TRPM1: variants seen among roughly 807,000 people sequenced by gnomAD.
TRPM1 encodes the protein transient receptor potential cation channel subfamily M member 1.
TRPM1 carries 113 observed loss-of-function variants against 149.4 expected under a neutral mutation model. The observed-to-expected ratio is 0.76, with a 90% CI of 0.65 to 0.88. The LOEUF is 0.88. Among genes scored for constraint, TRPM1 ranks in the 40% least tolerant of loss-of-function variants. The pLI is 0.00. For missense variants in TRPM1, 1,976 were observed against 2,038.7 expected (o/e 0.97, Z 0.59); for synonymous variants, 741 against 759.5 (o/e 0.98, Z 0.40).
rs2033870424 is a variant in TRPM1 at position 31,049,308 on chromosome 15, A to G, written c.1572+67T>C. 3 of 1,609,642 alleles carry G rather than the reference A, an allele frequency of 1.9e-6. No individual in the cohort carries two copies. The Admixed American group carries it at 5.0e-5, about 27-fold the overall frequency. ...TCAGATGAGCACATTTATGCACAAT[A>G]TGCACCAGTGACAAACACATTTAGG... On this transcript the variant is annotated intron_variant, in intron 13 of 27. Transcript: ENST00000256552.
intron 3 of TRPM1, among the ~76,000 whole-genome samples, chr15:31,070,874 C>T (rs1462727074): frequency 6.6e-6 from 1 of 152,156 alleles, no homozygotes; most frequent in African/African-American, 2.4e-5. Context: ...TTGAATTGTT[C>T]TGTTCCTTAG....
Position 31,002,514 on chromosome 15 carries a change from C to A in TRPM1, c.4186G>T (p.Glu1396Ter), listed in dbSNP as rs769373152. 20 of 1,613,942 alleles carry A rather than the reference C, an allele frequency of 1.2e-5. No individual in the cohort carries two copies. The highest frequency in any genetic ancestry group is 8.3e-5 in the Admixed American group (5 of 59,990). Reference protein sequence around the residue: ...DDERQTDSKKEETISPSLNKT... With the variant: ...DDERQTDSKK ...TTTAAACTTGGGGAAATAGTTTCTT[C>A]TTTTTTAGAGTCTGTCTGTCTTTCA... The change falls in exon 28 of 28, where the codon GAA (glutamate) becomes TAA (stop). Residue 1396 changes from glutamate (E) to a stop codon, truncating the protein, a stop_gained. Coordinates refer to ENST00000256552, the MANE Select transcript of TRPM1 (RefSeq NM_001252024.2). LOFTEE classifies it low-confidence loss of function (END_TRUNC).
chr15:31,061,587 G>T, intron 9 of TRPM1, 73 bp from the exon 10 acceptor site: 1 of 1,217,476 alleles, frequency 8.2e-7, no homozygotes, highest in South Asian at 1.2e-5. Flanking sequence ...GTTACAAAAT[G>T]ACCACAGAGA....
At chr15:31,043,560 T>G (rs1359036937) in intron 16 of TRPM1, among the ~76,000 whole-genome samples, 4 of 152,218 alleles carry the variant, frequency 2.6e-5, no homozygotes, top group South Asian at 2.1e-4. Context: ...TATAGTATCT[T>G]GACTCCAATT....
intron 1 of TRPM1, among the ~76,000 whole-genome samples, chr15:31,159,167 G>A (rs940712643): frequency 6.6e-6 from 1 of 152,082 alleles, no homozygotes; most frequent in Non-Finnish European, 1.5e-5. Context: ...GTGCGTGTGC[G>A]GGTATAAAGG....
intron 1 of TRPM1, among the ~76,000 whole-genome samples, chr15:31,108,061 T>G (rs1052979282): frequency 9.2e-5 from 14 of 152,156 alleles, no homozygotes; most frequent in Non-Finnish European, 1.9e-4. Context: ...TTTCACCATA[T>G]TGGCCAGGCT....
intron 22 of TRPM1, 95 bp from the exon 23 acceptor site, chr15:31,031,252 G>A (rs905348030): frequency 1.5e-5 from 20 of 1,367,758 alleles, no homozygotes; most frequent in African/African-American, 1.1e-4. Context: ...AGCACTTCAC[G>A]AGTGCTTAAT....
Position 31,002,553 on chromosome 15 carries a change from A to G in TRPM1, c.4147T>C (p.Ser1383Pro), listed in dbSNP as rs1368774653. Residue 1383 changes from serine (S) to proline (P), a missense_variant, in exon 28 of 28, where the codon TCA becomes CCA. Ser to Pro is a moderately conservative substitution (Grantham distance 74). Coordinates refer to ENST00000256552, the MANE Select transcript of TRPM1 (RefSeq NM_001252024.2). ...ESKLGPDIGI[S>P]KEDDERQTDS... is the part of the protein sequence containing the mutation. ...GTCTGTCTTTCATCATCTTCCTTTG[A>G]AATCCCAATATCTGGACCTAATTTT... 6.2e-6 allele frequency: 10 copies of G among 1,614,128 alleles called. No individual in the cohort carries two copies. Among genetic ancestry groups the G allele is most frequent in the Non-Finnish European group, 8.5e-6 (10 of 1,180,024 alleles).
intron 25 of TRPM1, among the ~76,000 whole-genome samples, chr15:31,028,091 G>A (rs2032870782): frequency 1.3e-5 from 2 of 152,104 alleles, no homozygotes; most frequent in Admixed American, 6.5e-5. Context: ...TAAAATACAT[G>A]CTAAAGTGTT....
chr15:31,070,001 A>T (rs758396024), intron 4 of TRPM1, 30 bp downstream of exon 4: 1 of 1,614,196 alleles, frequency 6.2e-7, no homozygotes, highest in Non-Finnish European at 8.5e-7. Context: ...CTGTGATCCT[A>T]GTGGCACCAT....
chr15:31,017,129 A>AC lies in TRPM1; in HGVS notation c.3629+9009dup, dbSNP rs568729964. ...AGACCAGCCTGACCAACATGGTGAA[A>AC]CCCCCGTCTCTACTAAAACTACAAA... On this transcript the variant is annotated intron_variant, in intron 27 of 27. Transcript: ENST00000256552. 4.8e-3 allele frequency among the ~76,000 whole-genome samples: 732 copies of AC among 152,102 alleles called. 6 individuals are homozygous for AC. Among genetic ancestry groups the AC allele is most frequent in the South Asian group, 0.02 (98 of 4,806 alleles).
At chr15:31,035,022 C>T (rs562652382) in intron 21 of TRPM1, among the ~76,000 whole-genome samples, 115 of 152,232 alleles carry the variant, frequency 7.6e-4, no homozygotes, top group African/African-American at 2.6e-3. Context: ...TTTTTGTTTT[C>T]GAGATGGACT....
At chr15:31,056,125 A>T (rs1290228572) in intron 11 of TRPM1, among the ~76,000 whole-genome samples, 1 of 152,226 alleles carries the variant, frequency 6.6e-6, no homozygotes, top group Non-Finnish European at 1.5e-5. Context: ...TTCCAAAAAC[A>T]TACAGCAAAA....
At chr15:31,135,619 G>T (rs568460473) in intron 1 of TRPM1, among the ~76,000 whole-genome samples, 1 of 152,008 alleles carries the variant, frequency 6.6e-6, no homozygotes, top group African/African-American at 2.4e-5. Context: ...GTTGGAGGTG[G>T]GGCCTAGTGG....
chr15:31,037,075 C>G (rs1364234987), intron 20 of TRPM1, among the ~76,000 whole-genome samples: 2 of 152,234 alleles, frequency 1.3e-5, no homozygotes, highest in Non-Finnish European at 2.9e-5. Context: ...TGGCCACCCC[C>G]ACTGGGACCG....
intron 12 of TRPM1, 54 bp from the exon 13 acceptor site, chr15:31,049,563 AGGGG>A: frequency 6.2e-7 from 1 of 1,607,250 alleles, no homozygotes; most frequent in Admixed American, 1.7e-5. Context: ...GACACAGGGG[AGGGG>A]GGCGACTGGA....
intron 1 of TRPM1, among the ~76,000 whole-genome samples, chr15:31,111,716 C>T (rs757147980): frequency 6.6e-5 from 10 of 152,170 alleles, no homozygotes; most frequent in Non-Finnish European, 1.3e-4. Flanking sequence ...CAACACCTGG[C>T]GCCCAGGGCG....
intron 25 of TRPM1, among the ~76,000 whole-genome samples, chr15:31,027,800 A>C (rs985730365): frequency 3.3e-5 from 5 of 152,168 alleles, no homozygotes; most frequent in Non-Finnish European, 7.4e-5. Context: ...CATTTTTTTC[A>C]ATATTTATTG....
At chr15:31,046,975 A>G (rs950133807) in intron 15 of TRPM1, 136 bp downstream of exon 15, 7 of 1,230,074 alleles carry the variant, frequency 5.7e-6, no homozygotes, top group Non-Finnish European at 7.2e-6. Context: ...GCCTGAGAGC[A>G]CTGTAGGAGG....
Sources: allele counts gnomAD v4.1 joint callset (sites outside exome capture counted in the v4.1 genomes callset), GRCh38; gene constraint gnomAD v4.1.1; transcripts MANE v1.5; gene names NCBI Gene and HGNC (gene_info 2026-07-23, HGNC 2026-07-21).